CHAF1A: variants seen among roughly 807,000 people sequenced by gnomAD.
CHAF1A encodes the protein CAF-1 subunit A.
CHAF1A carries 5 observed loss-of-function variants against 93.2 expected under a neutral mutation model. The observed-to-expected ratio is 0.05, with a 90% CI of 0.03 to 0.11. The LOEUF (loss-of-function observed/expected upper bound fraction) is 0.11. CHAF1A is among the 10% of genes least tolerant of loss of function. CHAF1A has a pLI of 1.00. For synonymous variants in CHAF1A, 504 were observed against 510.3 expected (o/e 0.99, Z 0.17); for missense variants, 1,102 against 1,259.9 (o/e 0.87, Z 1.90).
chr19:4,423,759 G>A (rs1346796998), intron 6 of CHAF1A, 47 bp from the exon 7 acceptor site: 6 of 1,576,782 alleles, frequency 3.8e-6, no homozygotes, highest in East Asian at 2.2e-5. Flanking sequence ...AACACATACT[G>A]TTCCTCTTCC....
rs1425273512 is a variant in CHAF1A, at chr19:4,428,856, C to T, written c.1570C>T (p.His524Tyr). ...GRQPLRSGPT[H>Y]VSTRNADIFN... ...GCAGCCCCTGAGGTCCGGACCCACG[C>T]ACGTTTCCACCCGGAATGCAGATAT... The change falls in exon 8 of 15, where the codon CAC becomes TAC. Residue 524 changes from histidine (H) to tyrosine (Y), a missense_variant. His to Tyr is a moderately conservative substitution (Grantham distance 83, BLOSUM62 2). This residue lies in a region of CHAF1A where 165 missense variants were observed against 243.9 expected (regional missense o/e 0.68). Coordinates refer to ENST00000301280, the MANE Select transcript of CHAF1A (RefSeq NM_005483.3). The T allele has an allele frequency of 3.1e-6, 5 of 1,613,712 alleles. No individual in the cohort carries two copies. In the East Asian group the frequency reaches 6.7e-5, roughly 22 times the overall value.
At position 4,429,557 on chromosome 19, in the gene CHAF1A, A is replaced by G. The variant is rs772668555; in HGVS notation, c.1724A>G (p.Asn575Ser). Residue 575 changes from asparagine (N) to serine (S), a missense_variant, in exon 9 of 15, where the codon AAT becomes AGT. This residue lies in a region of CHAF1A where 335 missense variants were observed against 361.9 expected (regional missense o/e 0.93). Coordinates refer to ENST00000301280, the MANE Select transcript of CHAF1A (RefSeq NM_005483.3). ...NHRPAYWGTW[N>S]KKTALIRARD... is the part of the protein sequence containing the mutation. The stretch of plus-strand genomic sequence containing the variant: ...CGGCCTGCCTACTGGGGTACCTGGA[A>G]TAAGAAGACGGCACTCATCCGCGCG... 2.5e-6 allele frequency: 4 copies of G among 1,613,930 alleles called. No individual in the cohort carries two copies. The Admixed American group carries it at 5.0e-5, about 20-fold the overall frequency.
chr19:4,409,373 G>A lies in CHAF1A; in HGVS notation c.574G>A (p.Gly192Ser), dbSNP rs200445124. ...KTEEEGVGCG[G>S]AGRRGDSQEC... ...AGAGGAGGAGGGTGTTGGCTGTGGA[G>A]GTGCAGGGAGGAGAGGCGACTCCCA... is the stretch of plus-strand genomic sequence containing the variant. The change falls in exon 3 of 15, where the codon GGT (glycine) becomes AGT (serine). Residue 192 changes from glycine (G) to serine (S), a missense_variant. Physicochemically the swap from Gly to Ser is moderately conservative, Grantham distance 56. Around this residue, in one of 6 missense-constraint regions of CHAF1A, gnomAD observed 379 missense variants for 365.7 expected, o/e 1.04. Transcript: ENST00000301280. The A allele has an allele frequency of 6.2e-7, 1 of 1,614,168 alleles. No homozygotes were observed. Among genetic ancestry groups the A allele is most frequent in the East Asian group, 2.2e-5 (1 of 44,884 alleles).
At position 4,433,897 on chromosome 19, in the gene CHAF1A, G is replaced by T. The variant is rs138837195; in HGVS notation, c.2673+358G>T. On this transcript the variant is annotated intron_variant, in intron 13 of 14. Transcript: ENST00000301280. The surrounding 1 kb of genome is among the most constrained non-coding windows in gnomAD (Gnocchi z 5.6). ...TTACAGGCGTGAGCCACCTCGCCTG[G>T]TGTTTTTGTGTTTTTTAAATAACCT... Among the ~76,000 whole-genome samples the T allele has an allele frequency of 4.3e-3, 651 of 152,160 alleles. 2 individuals carry two copies. The highest frequency in any genetic ancestry group is 0.015 in the African/African-American group (621 of 41,510).
At chr19:4,427,134 G>GTTTTTTTTTT (rs1568437409) in intron 7 of CHAF1A, among the ~76,000 whole-genome samples, 4 of 45,266 alleles carry the variant, frequency 8.8e-5, no homozygotes, top group East Asian at 1.2e-3. Flanking sequence ...AAAAGACCCT[G>GTTTTTTTTTT]TCTTTTTTTT....
rs549555391 is a variant in CHAF1A at position 4,433,522 on chromosome 19, C to T, written c.2656C>T (p.Arg886Cys). The T allele has an allele frequency of 3.0e-5, 48 of 1,579,388 alleles. No individual in the cohort carries two copies. The highest frequency in any genetic ancestry group is 3.7e-5 in the Non-Finnish European group (43 of 1,153,838). Reference sequence around the variant, plus strand: ...GTGCATCACCCAATTCATGAAGAAGCGCAGGCACGACGGCCAGGTGAGGTG... The same window carrying T: ...GTGCATCACCCAATTCATGAAGAAGTGCAGGCACGACGGCCAGGTGAGGTG... ...SMCITQFMKK[R>C]RHDGQIGAED... The change falls in exon 13 of 15, where the codon CGC (arginine) becomes TGC (cysteine). Residue 886 changes from arginine (R) to cysteine (C), a missense_variant. Physicochemically the swap from Arg to Cys is radical, Grantham distance 180. Transcript: ENST00000301280. This position sits in a 1 kb window ranked among gnomAD's most constrained non-coding sequence, Gnocchi z 5.6.
intron 7 of CHAF1A, among the ~76,000 whole-genome samples, chr19:4,427,985 A>C (rs1307654793): frequency 2.4e-4 from 37 of 151,620 alleles, no homozygotes; most frequent in Admixed American, 2.2e-3. Context: ...CAGCCTCCCA[A>C]AGTGGTGGGA....
At chr19:4,428,032 GT>G (rs1974116266) in intron 7 of CHAF1A, among the ~76,000 whole-genome samples, 1 of 125,122 alleles carries the variant, frequency 8.0e-6, no homozygotes, top group Admixed American at 8.0e-5. Context: ...CCTAATTTTT[GT>G]TTTTAGTAGA....
intron 3 of CHAF1A, among the ~76,000 whole-genome samples, chr19:4,411,647 T>TTTTTTTTTTTTTTG (rs1973804773): frequency 2.3e-5 from 1 of 44,256 alleles, no homozygotes; most frequent in Non-Finnish European, 4.1e-5. Flanking sequence ...TGCAAATCTT[T>TTTTTTTTTTTTTTG]TTTTTTTTTT....
intron 10 of CHAF1A, 112 bp downstream of exon 10, chr19:4,429,900 TGTTTG>T: frequency 5.6e-6 from 5 of 892,340 alleles, no homozygotes; most frequent in Non-Finnish European, 7.0e-6. Context: ...TGACAGCTGG[TGTTTG>T]ACCTGCTGTG....
At position 4,428,778 on chromosome 19, in the gene CHAF1A, C is replaced by A; in HGVS notation, c.1492C>A (p.Leu498Ile). Residue 498 changes from leucine to isoleucine, a missense_variant, in exon 8 of 15, where the codon CTC becomes ATC. Coordinates refer to ENST00000301280, the MANE Select transcript of CHAF1A (RefSeq NM_005483.3). ...HPDLCSQLDQ[L>I]LQQQSGEFSF... Reference sequence around the variant, plus strand: ...AGACCTCTGCAGTCAGCTGGACCAGCTCCTCCAGCAGCAGAGCGGCGAGTT... The same window carrying A: ...AGACCTCTGCAGTCAGCTGGACCAGATCCTCCAGCAGCAGAGCGGCGAGTT... 6.2e-7 allele frequency: 1 copy of A among 1,614,204 alleles called. No homozygotes were observed. The highest frequency in any genetic ancestry group is 1.3e-5 in the African/African-American group (1 of 75,066).
intron 1 of CHAF1A, among the ~76,000 whole-genome samples, chr19:4,404,858 A>AT (rs968590498): frequency 8.6e-5 from 13 of 151,868 alleles, no homozygotes; most frequent in Non-Finnish European, 1.3e-4. Flanking sequence ...GTTTCTTGAG[A>AT]TTTTTTTTGC....
At chr19:4,445,391 A>G (rs1974484756), downstream of CHAF1A, 1 of 1,549,814 alleles carries the variant, frequency 6.5e-7, no homozygotes, top group East Asian at 2.3e-5. Flanking sequence ...CCCATGGGGC[A>G]GAGCCAAGTA....
chr19:4,434,865 G>A (rs1599660920), intron 13 of CHAF1A, among the ~76,000 whole-genome samples: 2 of 152,268 alleles, frequency 1.3e-5, no homozygotes, highest in South Asian at 2.1e-4. Flanking sequence ...ATGAATGGCT[G>A]TGTGATTCCA....
At chr19:4,424,947 T>A (rs1599651231) in intron 7 of CHAF1A, among the ~76,000 whole-genome samples, 1 of 152,142 alleles carries the variant, frequency 6.6e-6, no homozygotes, top group Non-Finnish European at 1.5e-5. Flanking sequence ...ATTTTTTAAT[T>A]TTTTTTTGTA....
chr19:4,437,941 C>T lies in CHAF1A; in HGVS notation c.2674-4304C>T, dbSNP rs1294139786. ...TTTTTTTAGTAGAGACGGGGTTTCA[C>T]TGTGTTAGCCAGGATGGTCCCGATC... On this transcript the variant is annotated intron_variant, in intron 13 of 14. Coordinates refer to ENST00000301280, the MANE Select transcript of CHAF1A (RefSeq NM_005483.3). Among the ~76,000 whole-genome samples the T allele has an allele frequency of 1.4e-4, 21 of 152,174 alleles. 1 individual carries two copies. The highest frequency in any genetic ancestry group is 1.2e-3 in the Admixed American group (18 of 15,262).
downstream of CHAF1A, chr19:4,448,399 G>A (rs987517747): frequency 1.3e-6 from 2 of 1,587,000 alleles, no homozygotes; most frequent in Non-Finnish European, 1.7e-6. Flanking sequence ...GGCGGCCACT[G>A]GGTCGGTGGA....
chr19:4,411,644 CTTTT>C (rs66491258), intron 3 of CHAF1A, among the ~76,000 whole-genome samples: 16 of 48,178 alleles, frequency 3.3e-4, no homozygotes, highest in South Asian at 1.6e-3. Flanking sequence ...TGGTGCAAAT[CTTTT>C]TTTTTTTTTT....
intron 7 of CHAF1A, among the ~76,000 whole-genome samples, chr19:4,428,291 CTTT>C (rs71166995): frequency 2.2e-4 from 30 of 138,108 alleles, no homozygotes; most frequent in Admixed American, 3.6e-4. Flanking sequence ...TGCCCCCGGC[CTTT>C]TTTTTTTTTT....
Sources: gnomAD v4.1 joint callset for allele counts (sites outside exome capture counted in the v4.1 genomes callset) on GRCh38, gnomAD v4.1.1 for gene constraint, gnomAD v4.1.1 regional missense constraint, Gnocchi (gnomAD v3.1) non-coding constraint, MANE v1.5 for transcripts, NCBI Gene and HGNC (gene_info 2026-07-23, HGNC 2026-07-21) for gene names.